GALNT13: variants seen among roughly 807,000 people sequenced by gnomAD.
The protein encoded by GALNT13 is polypeptide N-acetylgalactosaminyltransferase 13, also known as UDP-GalNAc:polypeptide N-acetylgalactosaminyltransferase 13.
Under a neutral mutation model 64.2 loss-of-function variants are expected in GALNT13, and 28 were observed. That is an observed-to-expected ratio of 0.44 (90% CI 0.32 to 0.60). The LOEUF (loss-of-function observed/expected upper bound fraction) is 0.60, where lower values mean the gene tolerates loss of function less well. GALNT13 is among the 20% of genes least tolerant of loss of function. The pLI is 0.05. For synonymous variants in GALNT13, 214 were observed against 224.6 expected (o/e 0.95, Z 0.42); for missense variants, 577 against 669.8 (o/e 0.86, Z 1.53).
chr2:154,251,785 C>G (rs1391552210), intron 7 of GALNT13, among the ~76,000 whole-genome samples: 1 of 152,130 alleles, frequency 6.6e-6, no homozygotes, highest in Non-Finnish European at 1.5e-5. Flanking sequence ...TGTGCCTCTG[C>G]TTCCTTTCTC....
At chr2:153,938,080 T>C (rs1277399188) in intron 2 of GALNT13, among the ~76,000 whole-genome samples, 1 of 152,216 alleles carries the variant, frequency 6.6e-6, no homozygotes, top group African/African-American at 2.4e-5. Context: ...ATAACATCTT[T>C]GCATATTGGT....
chr2:153,635,498 A>G, the GALNT13 span, among the ~76,000 whole-genome samples: 1 of 148,788 alleles, frequency 6.7e-6, no homozygotes, highest in Non-Finnish European at 1.5e-5. Flanking sequence ...TCAGTCTTCA[A>G]GATTTAAGAA....
intron 9 of GALNT13, among the ~76,000 whole-genome samples, chr2:154,316,714 T>A (rs1413050795): frequency 6.6e-6 from 1 of 152,184 alleles, no homozygotes; most frequent in Non-Finnish European, 1.5e-5. Context: ...TCTCTTTTCT[T>A]CTTCTTTTGC....
the GALNT13 span, among the ~76,000 whole-genome samples, chr2:153,149,595 G>C: frequency 6.6e-6 from 1 of 151,902 alleles, no homozygotes; most frequent in African/African-American, 2.4e-5. Context: ...CACAATTTAG[G>C]AATGTCACCA....
the GALNT13 span, among the ~76,000 whole-genome samples, chr2:153,706,076 A>G: frequency 6.6e-6 from 1 of 152,038 alleles, no homozygotes; most frequent in Non-Finnish European, 1.5e-5. Flanking sequence ...GGCTTACTGC[A>G]ACCCCTGCCT....
At chr2:154,272,545 A>G (rs1691410884) in intron 8 of GALNT13, among the ~76,000 whole-genome samples, 1 of 152,082 alleles carries the variant, frequency 6.6e-6, no homozygotes, top group South Asian at 2.1e-4. Context: ...CCCAAACATA[A>G]AGGACTTAAA....
At chr2:153,817,553 G>A in the GALNT13 span, among the ~76,000 whole-genome samples, 35 of 152,042 alleles carry the variant, frequency 2.3e-4, no homozygotes, top group Admixed American at 1.5e-3. Flanking sequence ...GTAATTTTCC[G>A]TCCACTGACC....
the GALNT13 span, among the ~76,000 whole-genome samples, chr2:153,606,669 C>T: frequency 2.0e-5 from 3 of 152,002 alleles, no homozygotes; most frequent in Non-Finnish European, 4.4e-5. Context: ...AAATTATATG[C>T]CCCTAATGAA....
At chr2:154,184,632 T>A (rs1686152358) in intron 4 of GALNT13, among the ~76,000 whole-genome samples, 3 of 152,092 alleles carry the variant, frequency 2.0e-5, no homozygotes, top group Admixed American at 2.0e-4. Flanking sequence ...AGAAAAGGGA[T>A]TTATTTGGCT....
At chr2:153,130,658 A>C in the GALNT13 span, among the ~76,000 whole-genome samples, 2 of 152,066 alleles carry the variant, frequency 1.3e-5, no homozygotes, top group African/African-American at 4.8e-5. Flanking sequence ...TGCTCTCTCT[A>C]GTATTCACAT....
intron 9 of GALNT13, among the ~76,000 whole-genome samples, chr2:154,377,298 G>A (rs1698044699): frequency 6.6e-6 from 1 of 151,882 alleles, no homozygotes; most frequent in South Asian, 2.1e-4. Context: ...TCTTTTTTGT[G>A]ACCAAGCTTT....
intron 3 of GALNT13, among the ~76,000 whole-genome samples, chr2:153,977,567 C>T (rs1694164247): frequency 6.6e-6 from 1 of 152,170 alleles, no homozygotes; most frequent in Admixed American, 6.5e-5. Flanking sequence ...CACCTGGTCC[C>T]TCCCACGACA....
chr2:154,106,868 C>T (rs1202142587), intron 3 of GALNT13, among the ~76,000 whole-genome samples: 1 of 152,076 alleles, frequency 6.6e-6, no homozygotes, highest in Non-Finnish European at 1.5e-5. Context: ...CTCTTTCAAA[C>T]CTCATGTTGA....
At chr2:153,685,031 A>G in the GALNT13 span, among the ~76,000 whole-genome samples, 2 of 151,136 alleles carry the variant, frequency 1.3e-5, no homozygotes, top group East Asian at 3.9e-4. Context: ...TATGTATCAC[A>G]TTTTCTTTAT....
the GALNT13 span, among the ~76,000 whole-genome samples, chr2:153,434,863 G>A: frequency 3.3e-5 from 5 of 152,074 alleles, no homozygotes; most frequent in African/African-American, 1.2e-4. Context: ...TTTGTCTTTT[G>A]TTGCCATTGC....
At chr2:153,769,608 A>G in the GALNT13 span, among the ~76,000 whole-genome samples, 5 of 152,140 alleles carry the variant, frequency 3.3e-5, no homozygotes, top group Non-Finnish European at 5.9e-5. Flanking sequence ...AGCTTCTTGT[A>G]TCTGAATATT....
the GALNT13 span, among the ~76,000 whole-genome samples, chr2:153,563,833 C>T: frequency 6.6e-6 from 1 of 152,092 alleles, no homozygotes; most frequent in African/African-American, 2.4e-5. Context: ...CTTTCATGGG[C>T]TGGCTTAACT....
the GALNT13 span, among the ~76,000 whole-genome samples, chr2:153,099,390 G>C: frequency 1.3e-5 from 2 of 152,094 alleles, no homozygotes; most frequent in East Asian, 1.9e-4. Context: ...ACAGGAGCTT[G>C]AGCTACACAT....
At chr2:153,192,094 T>C in the GALNT13 span, among the ~76,000 whole-genome samples, 13 of 151,938 alleles carry the variant, frequency 8.6e-5, no homozygotes, top group Admixed American at 7.2e-4. Flanking sequence ...TTAGGTTTGG[T>C]TTGCTCTTCT....
Sources: gnomAD v4.1 joint callset for allele counts (sites outside exome capture counted in the v4.1 genomes callset) on GRCh38, gnomAD v4.1.1 for gene constraint, MANE v1.5 for transcripts, NCBI Gene and HGNC (gene_info 2026-07-23, HGNC 2026-07-21) for gene names.